Variants in USP13 observed in about 807,000 individuals in gnomAD.
USP13 encodes the protein ubiquitin specific peptidase 13.
USP13 carries 68 observed loss-of-function variants against 107.8 expected under a neutral mutation model. That is an observed-to-expected ratio of 0.63 (90% CI 0.52 to 0.77). The LOEUF is 0.77. Among genes scored for constraint, USP13 ranks in the 30% least tolerant of loss-of-function variants. The probability of loss-of-function intolerance (pLI) is 0.00; values close to 1 mark genes in which losing one functional copy is unlikely to be tolerated. For missense variants in USP13, 945 were observed against 1,093.3 expected, an observed-to-expected ratio of 0.86 and a Z score of 1.91; for synonymous variants, 377 against 389.5, an observed-to-expected ratio of 0.97 and a Z score of 0.38.
chr3:179,671,976 G>A (rs751055536), intron 1 of USP13, among the ~76,000 whole-genome samples: 4 of 152,136 alleles, frequency 2.6e-5, no homozygotes, highest in Non-Finnish European at 4.4e-5. Flanking sequence ...CAAGTGTTAC[G>A]CAGCGACTGT....
At chr3:179,752,162 C>A (rs1265373846) in intron 13 of USP13, 123 bp from the exon 14 acceptor site, 10 of 768,428 alleles carry the variant, frequency 1.3e-5, no homozygotes, top group Admixed American at 2.2e-5. Flanking sequence ...TTGCATGTTC[C>A]TCCTCTTCAG....
chr3:179,765,608 G>T (rs553321482), intron 18 of USP13, 87 bp from the exon 19 acceptor site: 2 of 1,493,950 alleles, frequency 1.3e-6, no homozygotes, highest in South Asian at 2.7e-5. Flanking sequence ...TTCCCTATCT[G>T]CCTGACATCT....
chr3:179,776,235 GTCTCATAT>G, intron 19 of USP13, among the ~76,000 whole-genome samples: 1 of 152,180 alleles, frequency 6.6e-6, no homozygotes, highest in Non-Finnish European at 1.5e-5. Flanking sequence ...ATACATGTCT[GTCTCATAT>G]TCTTCTCCCC....
intron 1 of USP13, among the ~76,000 whole-genome samples, chr3:179,674,193 T>C (rs1309853633): frequency 6.6e-6 from 1 of 152,162 alleles, no homozygotes; most frequent in African/African-American, 2.4e-5. Flanking sequence ...GCGCCCGGCC[T>C]GTTTTGAGAT....
rs1433212798 is a variant in USP13 at position 179,708,812 on chromosome 3, C to T, written c.660C>T (p.Leu220=). The change falls in exon 6 of 21, where the codon CTC becomes CTT. Residue 220 remains leucine (L), a synonymous_variant. Transcript: ENST00000263966. ...CCAGATGCGACCTGCGAGAAAACCT[C>T]TGGTTGAATCTGACTGACGGCTCTG... ...KCARCDLREN[L]WLNLTDGSVL... is the part of the protein sequence containing the mutation. 1.2e-6 allele frequency: 2 copies of T among 1,614,200 alleles called. No homozygotes were observed. Among genetic ancestry groups the T allele is most frequent in the South Asian group, 1.1e-5 (1 of 91,080 alleles).
intron 2 of USP13, 21 bp from the exon 3 acceptor site, chr3:179,690,220 G>A (rs1712065387): frequency 6.2e-7 from 1 of 1,610,484 alleles, no homozygotes; most frequent in Non-Finnish European, 8.5e-7. Context: ...GCATTTTAAT[G>A]ATCTTTTGTT....
rs1181100995 is a variant in USP13, at chr3:179,653,297, C to G, written c.72C>G (p.Ile24Met). 1 of 1,574,074 alleles carries G rather than the reference C, an allele frequency of 6.4e-7. No individual in the cohort carries two copies. The highest frequency in any genetic ancestry group is 8.6e-7 in the Non-Finnish European group (1 of 1,160,536). Residue 24 changes from isoleucine to methionine, a missense_variant, in exon 1 of 21, where the codon ATC becomes ATG. Coordinates refer to ENST00000263966, the MANE Select transcript of USP13 (RefSeq NM_003940.3). This position sits in a 1 kb window ranked among gnomAD's most constrained non-coding sequence, Gnocchi z 4.0. ...SGGRKMAAGD[I>M]GELLVPHMPT... ...GCAGGAAGATGGCTGCAGGAGACAT[C>G]GGCGAGCTGCTAGTGCCCCACATGC... is the stretch of plus-strand genomic sequence containing the variant.
At chr3:179,702,250 A>G (rs1444873423) in intron 4 of USP13, among the ~76,000 whole-genome samples, 1 of 151,954 alleles carries the variant, frequency 6.6e-6, no homozygotes, top group Non-Finnish European at 1.5e-5. Context: ...CGATCTCCTG[A>G]CCTCGTGATC....
chr3:179,662,756 A>T (rs1720489979), intron 1 of USP13, among the ~76,000 whole-genome samples: 1 of 152,148 alleles, frequency 6.6e-6, no homozygotes, highest in Non-Finnish European at 1.5e-5. Flanking sequence ...GATGATGCTG[A>T]TCCTGTCAGA....
At chr3:179,665,091 G>GA (rs909083518) in intron 1 of USP13, among the ~76,000 whole-genome samples, 12 of 147,502 alleles carry the variant, frequency 8.1e-5, no homozygotes, top group East Asian at 2.0e-4. Context: ...TGTCTCAAAA[G>GA]AAAAAAAAAA....
chr3:179,777,443 C>CTTTTTTT (rs11317182), intron 19 of USP13, among the ~76,000 whole-genome samples: 8 of 113,670 alleles, frequency 7.0e-5, no homozygotes, highest in Non-Finnish European at 1.0e-4. Context: ...CTCTCTCTCT[C>CTTTTTTT]TTTTTTTTTT....
In USP13 at chr3:179,687,441, CCTG is replaced by C. The variant is rs751026900; in HGVS notation, c.295-2799_295-2797del. 9.9e-5 allele frequency among the ~76,000 whole-genome samples: 15 copies of C among 151,844 alleles called. No individual in the cohort carries two copies. In the East Asian group the frequency reaches 1.4e-3, roughly 14 times the overall value. On this transcript the variant is annotated intron_variant, in intron 2 of 20. Transcript: ENST00000263966. ...TTGGGAGGCTGAGGTGGGTGGATCA[CCTG>C]AGGTCGGGAGTTCGAGACCAGCCTG...
intron 5 of USP13, among the ~76,000 whole-genome samples, chr3:179,707,840 T>C (rs769722526): frequency 1.3e-3 from 192 of 152,236 alleles, no homozygotes; most frequent in Admixed American, 2.3e-3. Flanking sequence ...GCATTCACCT[T>C]CTGTGTGGTC....
intron 1 of USP13, among the ~76,000 whole-genome samples, chr3:179,681,058 T>C (rs1711636504): frequency 6.6e-6 from 1 of 152,218 alleles, no homozygotes; most frequent in South Asian, 2.1e-4. Flanking sequence ...GACAAGCATG[T>C]TTATTTCCTA....
At chr3:179,660,626 T>C (rs1373015483) in intron 1 of USP13, among the ~76,000 whole-genome samples, 1 of 152,236 alleles carries the variant, frequency 6.6e-6, no homozygotes, top group Non-Finnish European at 1.5e-5. Flanking sequence ...CCCTGTAGAT[T>C]CTCTGCATTT....
intron 1 of USP13, among the ~76,000 whole-genome samples, chr3:179,656,574 G>A (rs1297215000): frequency 6.6e-6 from 1 of 152,124 alleles, no homozygotes; most frequent in East Asian, 1.9e-4. Flanking sequence ...CTACCTCTTT[G>A]ATTTCATCCT....
chr3:179,768,925 C>T (rs6791474), intron 19 of USP13, among the ~76,000 whole-genome samples: 13,512 of 152,090 alleles, frequency 0.089, 2,020 homozygotes, highest in African/African-American at 0.31. Flanking sequence ...AAAATTAACA[C>T]TTATATTGAA....
intron 6 of USP13, among the ~76,000 whole-genome samples, chr3:179,717,368 C>T (rs1713145751): frequency 6.6e-6 from 1 of 152,062 alleles, no homozygotes; most frequent in Non-Finnish European, 1.5e-5. Flanking sequence ...CACTTTTTGT[C>T]TTGGGGATGA....
intron 13 of USP13, among the ~76,000 whole-genome samples, chr3:179,749,798 C>T (rs758465297): frequency 6.6e-6 from 1 of 152,162 alleles, no homozygotes; most frequent in Non-Finnish European, 1.5e-5. Flanking sequence ...TTACAGCTAA[C>T]ACTCCGCCTA....
Sources: allele counts gnomAD v4.1 joint callset (sites outside exome capture counted in the v4.1 genomes callset), GRCh38; gene constraint gnomAD v4.1.1; non-coding constraint Gnocchi (gnomAD v3.1); transcripts MANE v1.5; gene names NCBI Gene and HGNC (gene_info 2026-07-23, HGNC 2026-07-21).